The following MAML3 variants were observed in gnomAD, a reference collection of about 807,000 sequenced individuals.
MAML3 encodes the protein mastermind like transcriptional coactivator 3.
MAML3 carries 27 observed loss-of-function variants against 101.9 expected under a neutral mutation model. The observed-to-expected ratio is 0.27, with a 90% CI of 0.20 to 0.37. The LOEUF is 0.37. Among genes scored for constraint, MAML3 ranks in the 10% least tolerant of loss-of-function variants. The pLI, the probability that MAML3 is intolerant of heterozygous loss-of-function variation, is 1.00. For synonymous variants in MAML3, 501 were observed against 555.9 expected, an observed-to-expected ratio of 0.90 and a Z score of 1.39; for missense variants, 1,316 against 1,444.9, an observed-to-expected ratio of 0.91 and a Z score of 1.45.
chr4:140,130,865 A>G (rs1009637617), intron 1 of MAML3, among the ~76,000 whole-genome samples: 1 of 152,162 alleles, frequency 6.6e-6, no homozygotes, highest in African/African-American at 2.4e-5. Context: ...CAAGTTGCTC[A>G]CCACCCAGCG....
intron 1 of MAML3, among the ~76,000 whole-genome samples, chr4:140,146,403 A>G (rs1729065759): frequency 6.6e-6 from 1 of 152,134 alleles, no homozygotes; most frequent in Non-Finnish European, 1.5e-5. Flanking sequence ...ACTGAATGGA[A>G]CCCCATGATC....
chr4:140,118,496 T>C (rs1728551420), intron 1 of MAML3, among the ~76,000 whole-genome samples: 1 of 152,126 alleles, frequency 6.6e-6, no homozygotes, highest in Admixed American at 6.5e-5. Flanking sequence ...TTGACTACCT[T>C]TGTGGAACCT....
intron 1 of MAML3, among the ~76,000 whole-genome samples, chr4:140,035,155 G>T (rs1295531711): frequency 1.3e-5 from 2 of 152,046 alleles, no homozygotes; most frequent in African/African-American, 2.4e-5. Flanking sequence ...CGTATTTTTA[G>T]TTGAGACAGG....
intron 2 of MAML3, among the ~76,000 whole-genome samples, chr4:139,838,309 T>C (rs1348382976): frequency 1.3e-5 from 2 of 152,230 alleles, no homozygotes; most frequent in Admixed American, 1.3e-4. Flanking sequence ...TTTAGCTTTA[T>C]TTTGGGGTTT....
chr4:140,131,396 C>A (rs1022258348), intron 1 of MAML3, among the ~76,000 whole-genome samples: 1 of 152,086 alleles, frequency 6.6e-6, no homozygotes, highest in Non-Finnish European at 1.5e-5. Flanking sequence ...GCACAAGAGG[C>A]GGGCTTACTT....
At chr4:139,752,395 C>T (rs367944196) in intron 2 of MAML3, among the ~76,000 whole-genome samples, 4 of 152,136 alleles carry the variant, frequency 2.6e-5, no homozygotes, top group Non-Finnish European at 4.4e-5. Context: ...TCTAGCATGG[C>T]GGACCCAACT....
intron 2 of MAML3, among the ~76,000 whole-genome samples, chr4:139,767,750 GA>G (rs756984187): frequency 2.6e-5 from 4 of 152,242 alleles, no homozygotes; most frequent in Non-Finnish European, 5.9e-5. Flanking sequence ...AGATTAGCAT[GA>G]AAGTGCATGC....
At chr4:139,839,089 T>A (rs978873818) in intron 2 of MAML3, among the ~76,000 whole-genome samples, 1 of 152,170 alleles carries the variant, frequency 6.6e-6, no homozygotes, top group Non-Finnish European at 1.5e-5. Flanking sequence ...TGAAGCCAGG[T>A]GGCTTGCACA....
At chr4:140,027,179 G>C (rs1726840503) in intron 1 of MAML3, among the ~76,000 whole-genome samples, 1 of 152,070 alleles carries the variant, frequency 6.6e-6, no homozygotes, top group African/African-American at 2.4e-5. Context: ...TCCCCGTCTT[G>C]TTGCTTCTTG....
intron 2 of MAML3, among the ~76,000 whole-genome samples, chr4:139,748,210 A>C (rs2111035525): frequency 1.3e-5 from 2 of 152,232 alleles, no homozygotes; most frequent in South Asian, 4.1e-4. Flanking sequence ...TACATTGTCC[A>C]GGGCCTAAAC....
At chr4:139,752,687 G>A (rs998844741) in intron 2 of MAML3, among the ~76,000 whole-genome samples, 8 of 152,020 alleles carry the variant, frequency 5.3e-5, no homozygotes, top group Non-Finnish European at 8.8e-5. Flanking sequence ...TATTTCTCCC[G>A]AGAGAGCATG....
At chr4:139,841,351 A>C (rs1481923188) in intron 2 of MAML3, among the ~76,000 whole-genome samples, 1 of 152,250 alleles carries the variant, frequency 6.6e-6, no homozygotes, top group Non-Finnish European at 1.5e-5. Context: ...GGTGAATGCT[A>C]TGTCCAGCTC....
chr4:139,809,040 G>A (rs1730747142), intron 2 of MAML3, among the ~76,000 whole-genome samples: 1 of 152,188 alleles, frequency 6.6e-6, no homozygotes, highest in Non-Finnish European at 1.5e-5. Context: ...CTTTCTCAGA[G>A]CAATTACTAC....
intron 1 of MAML3, among the ~76,000 whole-genome samples, chr4:140,117,065 T>A (rs1728528283): frequency 6.6e-6 from 1 of 152,216 alleles, no homozygotes; most frequent in Non-Finnish European, 1.5e-5. Context: ...CTCTATTTCC[T>A]CTTCCTTAGA....
At chr4:139,740,052 T>C (rs1396457340) in intron 2 of MAML3, among the ~76,000 whole-genome samples, 1 of 152,106 alleles carries the variant, frequency 6.6e-6, no homozygotes, top group East Asian at 1.9e-4. Context: ...TGGGCTTGGA[T>C]ACAGGTTCAG....
rs185196019 is a variant in MAML3 at position 139,969,886 on chromosome 4, G to A, written c.469-78919C>T. On this transcript the variant is annotated intron_variant, in intron 1 of 4. Coordinates refer to ENST00000509479, the MANE Select transcript of MAML3 (RefSeq NM_018717.5). ...TTTCCAAGGTGAAGCACCTGATGGA[G>A]TAGACACATGTTAAGTAACATATTG... is the stretch of plus-strand genomic sequence containing the variant. 2.3e-3 allele frequency among the ~76,000 whole-genome samples: 353 copies of A among 152,334 alleles called. 1 individual carries two copies. Among genetic ancestry groups the A allele is most frequent in the African/African-American group, 8.0e-3 (331 of 41,578 alleles).
chr4:139,818,597 C>G (rs1730927329), intron 2 of MAML3, among the ~76,000 whole-genome samples: 1 of 152,168 alleles, frequency 6.6e-6, no homozygotes, highest in Non-Finnish European at 1.5e-5. Context: ...GGAAAATCAT[C>G]AAACACTACA....
chr4:140,083,205 C>G (rs111516521), intron 1 of MAML3, among the ~76,000 whole-genome samples: 193 of 152,354 alleles, frequency 1.3e-3, no homozygotes, highest in African/African-American at 4.3e-3. Context: ...TCTCTTTCCA[C>G]TACATTACAG....
chr4:139,826,129 C>T (rs903759792), intron 2 of MAML3, among the ~76,000 whole-genome samples: 1 of 151,960 alleles, frequency 6.6e-6, no homozygotes, highest in South Asian at 2.1e-4. Context: ...TTCCTTCGCA[C>T]GTGAGAAGAT....
Sources: allele counts gnomAD v4.1 joint callset (sites outside exome capture counted in the v4.1 genomes callset), GRCh38; gene constraint gnomAD v4.1.1; transcripts MANE v1.5; gene names NCBI Gene and HGNC (gene_info 2026-07-23, HGNC 2026-07-21).